PPP6R3: variants seen among roughly 807,000 people sequenced by gnomAD.
PPP6R3 encodes the protein protein phosphatase 6 regulatory subunit 3, also known as serine/threonine-protein phosphatase 6 regulatory subunit 3.
In PPP6R3, 38 loss-of-function variants were observed where a neutral mutation model predicts 110.7. The observed-to-expected ratio is 0.34, with a 90% CI of 0.26 to 0.45. The LOEUF (loss-of-function observed/expected upper bound fraction) is 0.45, where lower values mean the gene tolerates loss of function less well. PPP6R3 is among the 20% of genes least tolerant of loss of function. The pLI is 1.00. For synonymous variants in PPP6R3, 369 were observed against 373.5 expected, an observed-to-expected ratio of 0.99 and a Z score of 0.14; for missense variants, 870 against 1,062.4, an observed-to-expected ratio of 0.82 and a Z score of 2.52.
chr11:68,601,827 C>T (rs111350321), intron 20 of PPP6R3, 36 bp from the exon 21 acceptor site: 4 of 1,544,930 alleles, frequency 2.6e-6, no homozygotes, highest in African/African-American at 1.4e-5. Flanking sequence ...GGACCATTCC[C>T]TGCTGCTAAT....
intron 2 of PPP6R3, among the ~76,000 whole-genome samples, chr11:68,535,834 T>C (rs1041432904): frequency 2.1e-5 from 3 of 144,048 alleles, no homozygotes; most frequent in African/African-American, 7.8e-5. Context: ...CAGCCGGGTG[T>C]GATGGCATGG....
chr11:68,542,125 G>C (rs796248151), intron 3 of PPP6R3, among the ~76,000 whole-genome samples: 1 of 150,196 alleles, frequency 6.7e-6, no homozygotes, highest in Admixed American at 6.6e-5. Context: ...GCAGGCCGCC[G>C]AGTGATGCAT....
At chr11:68,496,980 A>G (rs1352507369) in intron 1 of PPP6R3, among the ~76,000 whole-genome samples, 11 of 134,002 alleles carry the variant, frequency 8.2e-5, no homozygotes, top group East Asian at 4.5e-4. Flanking sequence ...TCTTGCTTCA[A>G]CCTCGCGAGT....
Position 68,583,122 on chromosome 11 carries a change from T to C in PPP6R3, c.1625T>C (p.Leu542Ser), listed in dbSNP as rs1305373175. The stretch of plus-strand genomic sequence containing the variant: ...ACGGGTTTCTCACAGGATTCTTCTT[T>C]GCAGCAAGTGAGTCACGCCTAAAGC... ...KETGFSQDSS[L>S]QQAFSDYQMQ... The change falls in exon 15 of 24, where the codon TTG becomes TCG. Residue 542 changes from leucine (L) to serine (S), a missense_variant. Leu to Ser is a moderately radical substitution (Grantham distance 145, BLOSUM62 -2). Coordinates refer to ENST00000393800, the MANE Select transcript of PPP6R3 (RefSeq NM_001164161.2). 2 of 1,537,810 alleles carry C rather than the reference T, an allele frequency of 1.3e-6. No individual in the cohort carries two copies. Among genetic ancestry groups the C allele is most frequent in the Non-Finnish European group, 8.8e-7 (1 of 1,136,938 alleles).
At chr11:68,584,347 C>G (rs1457486729) in intron 15 of PPP6R3, among the ~76,000 whole-genome samples, 1 of 152,178 alleles carries the variant, frequency 6.6e-6, no homozygotes, top group Non-Finnish European at 1.5e-5. Context: ...TCCCAGGAAG[C>G]ACCTGGACAA....
At chr11:68,541,451 A>G (rs932185439) in intron 3 of PPP6R3, among the ~76,000 whole-genome samples, 2 of 152,132 alleles carry the variant, frequency 1.3e-5, no homozygotes, top group African/African-American at 4.8e-5. Flanking sequence ...TAGGTATGGA[A>G]TGGGAGATAA....
intron 22 of PPP6R3, among the ~76,000 whole-genome samples, chr11:68,604,379 T>C (rs1339640182): frequency 6.6e-6 from 1 of 152,260 alleles, no homozygotes; most frequent in Non-Finnish European, 1.5e-5. Context: ...TTCATGATTT[T>C]CTTTGCAGCC....
At chr11:68,542,389 G>GTTTTTTTGTTT (rs1555132286) in intron 3 of PPP6R3, among the ~76,000 whole-genome samples, 1 of 40,188 alleles carries the variant, frequency 2.5e-5, no homozygotes, top group Non-Finnish European at 4.1e-5. Flanking sequence ...AGAAGCTGCT[G>GTTTTTTTGTTT]TTTTTTTTTT....
intron 10 of PPP6R3, 64 bp from the exon 11 acceptor site, chr11:68,569,684 T>A (rs2099495006): frequency 7.6e-7 from 1 of 1,308,162 alleles, no homozygotes; most frequent in African/African-American, 1.5e-5. Context: ...GTTCTGTAAA[T>A]GTATTTAAGT....
intron 1 of PPP6R3, among the ~76,000 whole-genome samples, chr11:68,508,132 T>G (rs2099088723): frequency 7.3e-6 from 1 of 137,390 alleles, no homozygotes; most frequent in Non-Finnish European, 1.6e-5. Flanking sequence ...TTTTTTTTTT[T>G]TTTTTTTTTT....
intron 15 of PPP6R3, among the ~76,000 whole-genome samples, chr11:68,585,782 C>G (rs1257334797): frequency 6.6e-6 from 1 of 152,150 alleles, no homozygotes; most frequent in Non-Finnish European, 1.5e-5. Context: ...TGCTATGTAT[C>G]TCTCCAGATG....
chr11:68,504,215 A>T (rs2099063241), intron 1 of PPP6R3, among the ~76,000 whole-genome samples: 1 of 141,318 alleles, frequency 7.1e-6, no homozygotes, highest in Non-Finnish European at 1.6e-5. Context: ...GAAAGTAGAA[A>T]TTGTTTTTTT....
At chr11:68,487,140 G>T (rs1020876062) in intron 1 of PPP6R3, among the ~76,000 whole-genome samples, 5 of 151,950 alleles carry the variant, frequency 3.3e-5, no homozygotes, top group African/African-American at 1.2e-4. Context: ...ACTTTTTCTG[G>T]TTTCCTAAGA....
At chr11:68,499,392 C>T (rs533572084) in intron 1 of PPP6R3, among the ~76,000 whole-genome samples, 44 of 152,220 alleles carry the variant, frequency 2.9e-4, no homozygotes, top group Non-Finnish European at 5.3e-4. Context: ...GTTTTCACAT[C>T]GGCTTTTGCC....
intron 14 of PPP6R3, among the ~76,000 whole-genome samples, chr11:68,580,188 G>C (rs1043328535): frequency 6.6e-6 from 1 of 152,150 alleles, no homozygotes; most frequent in East Asian, 1.9e-4. Context: ...ATGTTGTCCC[G>C]TGTGGATGTA....
At chr11:68,542,768 C>T (rs1026582999) in intron 3 of PPP6R3, among the ~76,000 whole-genome samples, 2 of 152,120 alleles carry the variant, frequency 1.3e-5, no homozygotes, top group Non-Finnish European at 2.9e-5. Flanking sequence ...GAACTCTGAG[C>T]TTTTTGTGTA....
chr11:68,466,788 G>A (rs775434697), intron 1 of PPP6R3, among the ~76,000 whole-genome samples: 1 of 152,158 alleles, frequency 6.6e-6, no homozygotes, highest in Non-Finnish European at 1.5e-5. Flanking sequence ...AATTTTTTTT[G>A]TATTTTTATA....
intron 2 of PPP6R3, among the ~76,000 whole-genome samples, chr11:68,532,159 C>G (rs1284459356): frequency 6.6e-6 from 1 of 152,178 alleles, no homozygotes. Context: ...ATTCAAGGTA[C>G]TTGGCCTCAG....
intron 8 of PPP6R3, among the ~76,000 whole-genome samples, chr11:68,562,354 G>T (rs1222823724): frequency 1.3e-5 from 2 of 152,208 alleles, no homozygotes; most frequent in Non-Finnish European, 2.9e-5. Context: ...GTATTGTTAA[G>T]ATGTCACTTC....
Sources: gnomAD v4.1 joint callset for allele counts (sites outside exome capture counted in the v4.1 genomes callset) on GRCh38, gnomAD v4.1.1 for gene constraint, MANE v1.5 for transcripts, NCBI Gene and HGNC (gene_info 2026-07-23, HGNC 2026-07-21) for gene names.